The following JAM3 variants were observed in gnomAD, a reference collection of about 807,000 sequenced individuals.
JAM3 encodes junctional adhesion molecule 3, also known as junctional adhesion molecule C.
Under a neutral mutation model 39.4 loss-of-function variants are expected in JAM3, and 31 were observed. The observed-to-expected ratio is 0.79, with a 90% confidence interval of 0.59 to 1.06. JAM3 has a LOEUF of 1.06. Ranked by LOEUF, JAM3 falls within the 50% of genes least tolerant of loss-of-function variation. The pLI, the probability that JAM3 is intolerant of heterozygous loss-of-function variation, is 0.00. For synonymous variants in JAM3, 182 were observed against 148.7 expected (o/e 1.22, Z -1.63); for missense variants, 455 against 391.4 (o/e 1.16, Z -1.37).
At chr11:134,140,876 G>A in intron 3 of JAM3, 106 bp downstream of exon 3, 1 of 1,391,778 alleles carries the variant, frequency 7.2e-7, no homozygotes. Flanking sequence ...TGCATCTGTA[G>A]CTAGGACCGT....
At chr11:134,129,292 AT>A (rs1448151166) in intron 1 of JAM3, among the ~76,000 whole-genome samples, 1 of 151,778 alleles carries the variant, frequency 6.6e-6, no homozygotes, top group African/African-American at 2.4e-5. Context: ...AATTTTTTGT[AT>A]TTTTAGTAGA....
chr11:134,150,454 C>T lies in JAM3; in HGVS notation c.*1273C>T, dbSNP rs1483053517. 1 of 152,264 alleles carries T rather than the reference C, an allele frequency of 6.6e-6. No homozygotes were observed. The highest frequency in any genetic ancestry group is 1.5e-5 in the Non-Finnish European group (1 of 68,068). The allele number at this position is 152,264 out of a possible 1,614,324, so 9.4% of individuals were successfully genotyped here. On this transcript the variant is annotated 3_prime_UTR_variant, in exon 9 of 9. Transcript: ENST00000299106. ...GCTGTCTGCCAGGAGGCCCTGCCAT[C>T]CTTGGGCCCTGGCAGTGGCTGTGTC...
At chr11:134,134,188 A>T (rs1565501120) in intron 1 of JAM3, among the ~76,000 whole-genome samples, 1 of 152,158 alleles carries the variant, frequency 6.6e-6, no homozygotes, top group Admixed American at 6.5e-5. Context: ...AACTGAAGGC[A>T]CAGAGAGAAA....
chr11:134,125,106 G>T (rs1942620246), intron 1 of JAM3, among the ~76,000 whole-genome samples: 1 of 152,186 alleles, frequency 6.6e-6, no homozygotes, highest in South Asian at 2.1e-4. Flanking sequence ...CTCCCGAGGT[G>T]CACGGCCGCC....
intron 1 of JAM3, among the ~76,000 whole-genome samples, chr11:134,110,796 A>G (rs1290064012): frequency 6.6e-6 from 1 of 152,156 alleles, no homozygotes; most frequent in African/African-American, 2.4e-5. Flanking sequence ...CGTATATGCT[A>G]AATTTTATCG....
intron 1 of JAM3, among the ~76,000 whole-genome samples, chr11:134,081,618 T>C (rs534515350): frequency 2.6e-5 from 4 of 152,270 alleles, no homozygotes; most frequent in Admixed American, 2.0e-4. Context: ...AGAGGATGTA[T>C]GAAAATGCCT....
intron 1 of JAM3, among the ~76,000 whole-genome samples, chr11:134,135,711 A>G (rs1435958722): frequency 6.6e-6 from 1 of 151,854 alleles, no homozygotes; most frequent in Non-Finnish European, 1.5e-5. Flanking sequence ...ATTTTTATCT[A>G]TCTTATTCAT....
intron 1 of JAM3, among the ~76,000 whole-genome samples, chr11:134,085,249 ACT>A (rs1941729147): frequency 6.6e-6 from 1 of 152,066 alleles, no homozygotes; most frequent in African/African-American, 2.4e-5. Flanking sequence ...GGTCCTTAAA[ACT>A]CTGCATGATT....
At chr11:134,124,397 A>G in intron 1 of JAM3, 2 of 612,544 alleles carry the variant, frequency 3.3e-6, no homozygotes, top group Non-Finnish European at 5.9e-6. Context: ...AATAAATCAA[A>G]ATGTTTCACA....
chr11:134,130,006 A>G (rs927788050), intron 1 of JAM3, among the ~76,000 whole-genome samples: 1 of 151,692 alleles, frequency 6.6e-6, no homozygotes, highest in African/African-American at 2.4e-5. Flanking sequence ...TGTCTCCAAA[A>G]AAAAAAGTCA....
intron 1 of JAM3, among the ~76,000 whole-genome samples, chr11:134,085,995 T>A (rs1941741048): frequency 6.6e-6 from 1 of 152,182 alleles, no homozygotes; most frequent in Non-Finnish European, 1.5e-5. Flanking sequence ...AATTTGGAGT[T>A]AGAAGACCTG....
intron 1 of JAM3, among the ~76,000 whole-genome samples, chr11:134,091,537 G>T (rs1284110181): frequency 3.3e-5 from 5 of 151,648 alleles, no homozygotes; most frequent in Non-Finnish European, 4.4e-5. Flanking sequence ...TAGATAGATA[G>T]ATAGGCATGG....
rs754945069 is a variant in JAM3 at position 134,148,690 on chromosome 11, A to C, written c.842+14A>C. 2 of 1,614,150 alleles carry C rather than the reference A, an allele frequency of 1.2e-6. No individual in the cohort carries two copies. The highest frequency in any genetic ancestry group is 4.5e-5 in the East Asian group (2 of 44,874). On this transcript the variant is annotated intron_variant, in intron 7 of 8. Coordinates refer to ENST00000299106, the MANE Select transcript of JAM3 (RefSeq NM_032801.5). ...GGATGGAGAAAGGTGAGCCTGCCTT[A>C]TGTGAAAAAAGGGAAGTTCAAGCTG...
rs533328420 is a variant in JAM3 at position 134,138,422 on chromosome 11, A to G, written c.77-1429A>G. ...GTCGAAGTCGTGGTGCTCATACTGGAAGAAATGTTTATGGCCAATAGTCCC... is the reference window on the plus strand; with the variant it reads ...GTCGAAGTCGTGGTGCTCATACTGGGAGAAATGTTTATGGCCAATAGTCCC... On this transcript the variant is annotated intron_variant, in intron 1 of 8. Transcript: ENST00000299106. 6.5e-3 allele frequency among the ~76,000 whole-genome samples: 236 copies of G among 36,248 alleles called. 37 individuals are homozygous for G. Among genetic ancestry groups the G allele is most frequent in the African/African-American group, 0.032 (147 of 4,606 alleles). 23.8% of individuals were successfully genotyped at this position (36,248 alleles called of 152,430 possible). A position where few individuals can be genotyped will look rare whatever the true frequency, so the allele number is the denominator to read the frequency against.
At chr11:134,146,455 C>G (rs1943073765) in intron 6 of JAM3, among the ~76,000 whole-genome samples, 1 of 152,070 alleles carries the variant, frequency 6.6e-6, no homozygotes, top group Non-Finnish European at 1.5e-5. Context: ...AGCTTAGCCC[C>G]TAGAGTAATG....
At chr11:134,104,473 C>T (rs942747206) in intron 1 of JAM3, among the ~76,000 whole-genome samples, 4 of 151,992 alleles carry the variant, frequency 2.6e-5, no homozygotes, top group Non-Finnish European at 4.4e-5. Context: ...AAAACAAATT[C>T]AAAAGCTAGC....
intron 8 of JAM3, 89 bp from the exon 9 acceptor site, chr11:134,149,057 T>A: frequency 6.9e-7 from 1 of 1,454,196 alleles, no homozygotes; most frequent in East Asian, 2.3e-5. Context: ...TTATTCCATC[T>A]GTATTTAGCC....
At chr11:134,099,235 C>T (rs1942033937) in intron 1 of JAM3, among the ~76,000 whole-genome samples, 1 of 151,988 alleles carries the variant, frequency 6.6e-6, no homozygotes, top group Non-Finnish European at 1.5e-5. Flanking sequence ...TACCAGGTTG[C>T]ATGGGGGAGG....
At chr11:134,085,660 A>G (rs1941736033) in intron 1 of JAM3, among the ~76,000 whole-genome samples, 1 of 152,156 alleles carries the variant, frequency 6.6e-6, no homozygotes, top group African/African-American at 2.4e-5. Flanking sequence ...GTATTGACCT[A>G]CTAATTTAAA....
Sources: allele counts gnomAD v4.1 joint callset (sites outside exome capture counted in the v4.1 genomes callset), GRCh38; gene constraint gnomAD v4.1.1; transcripts MANE v1.5; gene names NCBI Gene and HGNC (gene_info 2026-07-23, HGNC 2026-07-21).